TNPO3: variants seen among roughly 807,000 people sequenced by gnomAD.
The protein encoded by TNPO3 is transportin 3, also known as transportin-3.
Under a neutral mutation model 122.8 loss-of-function variants are expected in TNPO3, and 65 were observed. The observed-to-expected ratio is 0.53, with a 90% CI of 0.43 to 0.65. The LOEUF (loss-of-function observed/expected upper bound fraction) is 0.65. TNPO3 is among the 30% of genes least tolerant of loss of function. TNPO3 has a pLI of 0.00. For missense variants in TNPO3, 850 were observed against 1,136.7 expected (o/e 0.75, Z 3.63); for synonymous variants, 372 against 411.2 (o/e 0.90, Z 1.15).
chr7:128,958,164 A>G (rs1473395106), intron 21 of TNPO3, among the ~76,000 whole-genome samples: 1 of 69,360 alleles, frequency 1.4e-5, no homozygotes, highest in East Asian at 3.7e-4. Context: ...TTTTTTTGAT[A>G]TGGAGTCTTG....
chr7:128,992,605 GCAGAATACT>G (rs1476590797), intron 9 of TNPO3, among the ~76,000 whole-genome samples: 1 of 152,108 alleles, frequency 6.6e-6, no homozygotes, highest in East Asian at 1.9e-4. Flanking sequence ...GGTACACCTA[GCAGAATACT>G]CAGAGATGTT....
At chr7:128,968,256 A>G (rs1014625946) in intron 20 of TNPO3, among the ~76,000 whole-genome samples, 5 of 152,116 alleles carry the variant, frequency 3.3e-5, no homozygotes, top group Admixed American at 6.5e-5. Flanking sequence ...TTCCTTTGTG[A>G]TATCTGCCTG....
intron 20 of TNPO3, among the ~76,000 whole-genome samples, chr7:128,969,747 C>A (rs908173944): frequency 6.6e-6 from 1 of 152,156 alleles, no homozygotes; most frequent in East Asian, 1.9e-4. Flanking sequence ...AATGTTCTGG[C>A]TAGATGTATC....
At chr7:128,973,129 G>A (rs1798661739) in intron 18 of TNPO3, among the ~76,000 whole-genome samples, 1 of 152,138 alleles carries the variant, frequency 6.6e-6, no homozygotes, top group Non-Finnish European at 1.5e-5. Flanking sequence ...AACTCTCCTA[G>A]GTTAAAAAGT....
At chr7:129,004,666 C>T (rs756592821) in intron 5 of TNPO3, among the ~76,000 whole-genome samples, 1 of 152,060 alleles carries the variant, frequency 6.6e-6, no homozygotes, top group Non-Finnish European at 1.5e-5. Flanking sequence ...TTGTGATGCA[C>T]ACATAATTAT....
At chr7:129,017,895 A>G in intron 2 of TNPO3, 62 bp downstream of exon 2, 2 of 1,540,060 alleles carry the variant, frequency 1.3e-6, no homozygotes, top group Non-Finnish European at 1.8e-6. Flanking sequence ...ATACGAATTA[A>G]AACAATCCTG....
intron 4 of TNPO3, among the ~76,000 whole-genome samples, chr7:129,013,834 G>A (rs2150420388): frequency 6.6e-6 from 1 of 152,250 alleles, no homozygotes; most frequent in Non-Finnish European, 1.5e-5. Context: ...GGACGGCACT[G>A]TTAGACATTA....
chr7:128,991,330 T>G (rs1291114164), intron 10 of TNPO3, among the ~76,000 whole-genome samples: 1 of 152,206 alleles, frequency 6.6e-6, no homozygotes. Flanking sequence ...TAACCATCTC[T>G]CCAATCAAGA....
intron 4 of TNPO3, among the ~76,000 whole-genome samples, chr7:129,013,456 A>G (rs1803460271): frequency 6.6e-6 from 1 of 152,068 alleles, no homozygotes; most frequent in Non-Finnish European, 1.5e-5. Flanking sequence ...AAAATTAAAA[A>G]TTAAAAAATG....
chr7:129,052,040 A>G (rs1340077700), intron 1 of TNPO3, among the ~76,000 whole-genome samples: 1 of 152,224 alleles, frequency 6.6e-6, no homozygotes, highest in African/African-American at 2.4e-5. Context: ...CAGAAGGCCA[A>G]AGTGTTAGCT....
chr7:128,989,837 TCA>T (rs917698801), intron 11 of TNPO3, 122 bp downstream of exon 11: 3 of 1,058,036 alleles, frequency 2.8e-6, no homozygotes, highest in African/African-American at 1.6e-5. Context: ...TTGTTTACTC[TCA>T]GTTTCTATAA....
chr7:128,998,004 ATTTTT>A (rs71162546), intron 7 of TNPO3, among the ~76,000 whole-genome samples: 4 of 129,412 alleles, frequency 3.1e-5, no homozygotes, highest in East Asian at 2.1e-4. Context: ...AGCTCAGCTA[ATTTTT>A]TTTTTTTTTT....
At chr7:128,975,113 G>C in intron 17 of TNPO3, 151 bp from the exon 18 acceptor site, 1 of 643,124 alleles carries the variant, frequency 1.6e-6, no homozygotes, top group Non-Finnish European at 2.7e-6. Flanking sequence ...AATCTGATCA[G>C]GAAAAGAAAC....
intron 12 of TNPO3, among the ~76,000 whole-genome samples, chr7:128,984,891 G>A (rs1251138853): frequency 6.6e-6 from 1 of 152,018 alleles, no homozygotes; most frequent in East Asian, 1.9e-4. Flanking sequence ...TCTTGACTTA[G>A]AACTCCAATA....
intron 1 of TNPO3, 99 bp downstream of exon 1, chr7:129,054,552 C>G: frequency 6.5e-7 from 1 of 1,547,286 alleles, no homozygotes; most frequent in Non-Finnish European, 8.7e-7. Context: ...CCAAGGAGGA[C>G]CTCACGAGGT....
chr7:128,978,943 C>T (rs770370090), intron 16 of TNPO3, 40 bp downstream of exon 16: 13 of 1,607,640 alleles, frequency 8.1e-6, no homozygotes, highest in South Asian at 1.1e-5. Context: ...ATTTCAAATT[C>T]TGTACATGGA....
At chr7:128,961,973 T>C (rs929774491) in intron 21 of TNPO3, among the ~76,000 whole-genome samples, 9 of 152,116 alleles carry the variant, frequency 5.9e-5, no homozygotes, top group Non-Finnish European at 1.0e-4. Context: ...CTAGTCCCAA[T>C]TGGTCTTAGT....
At chr7:128,982,373 T>A in intron 13 of TNPO3, 49 bp from the exon 14 acceptor site, 1 of 1,509,076 alleles carries the variant, frequency 6.6e-7, no homozygotes, top group South Asian at 1.1e-5. Context: ...TGTACAAATC[T>A]ACAGCCAACA....
intron 19 of TNPO3, chr7:128,970,792 C>G (rs1049558848): frequency 1.9e-5 from 3 of 154,028 alleles, no homozygotes; most frequent in African/African-American, 7.2e-5. Flanking sequence ...GGTAGGGGAA[C>G]AGCTTGAACC....
Sources: gnomAD v4.1 joint callset for allele counts (sites outside exome capture counted in the v4.1 genomes callset) on GRCh38, gnomAD v4.1.1 for gene constraint, MANE v1.5 for transcripts, NCBI Gene and HGNC (gene_info 2026-07-23, HGNC 2026-07-21) for gene names.